The following ATG10 variants were observed in gnomAD, a reference collection of about 807,000 sequenced individuals.
The protein encoded by ATG10 is autophagy related 10, also known as ubiquitin-like-conjugating enzyme ATG10.
A neutral mutation model predicts 32.1 loss-of-function variants in ATG10; 30 were observed. The observed-to-expected ratio is 0.94, with a 90% CI of 0.70 to 1.27. The LOEUF is 1.27. Ranked by LOEUF, ATG10 falls within the 50% of genes most tolerant of loss-of-function variation. The probability of loss-of-function intolerance (pLI) is 0.00; values close to 1 mark genes in which losing one functional copy is unlikely to be tolerated. For missense variants in ATG10, 233 were observed against 262.3 expected, an observed-to-expected ratio of 0.89 and a Z score of 0.77; for synonymous variants, 87 against 91.5, an observed-to-expected ratio of 0.95 and a Z score of 0.28.
chr5:82,089,683 G>T (rs1764814349), intron 3 of ATG10, among the ~76,000 whole-genome samples: 1 of 152,002 alleles, frequency 6.6e-6, no homozygotes, highest in African/African-American at 2.4e-5. Flanking sequence ...TGGGATCTAG[G>T]ATTAGCCAAA....
At chr5:82,070,542 A>G (rs758000815) in intron 3 of ATG10, among the ~76,000 whole-genome samples, 1 of 152,096 alleles carries the variant, frequency 6.6e-6, no homozygotes, top group Non-Finnish European at 1.5e-5. Context: ...CCTTATTTTC[A>G]ACTGTATTTA....
chr5:82,048,368 T>G (rs2149736701), intron 2 of ATG10, among the ~76,000 whole-genome samples: 1 of 149,786 alleles, frequency 6.7e-6, no homozygotes, highest in East Asian at 2.0e-4. Flanking sequence ...TGTTCTTCCA[T>G]TTGTTTGTAT....
At chr5:82,174,469 A>C (rs1452868328) in intron 4 of ATG10, among the ~76,000 whole-genome samples, 1 of 152,196 alleles carries the variant, frequency 6.6e-6, no homozygotes, top group Non-Finnish European at 1.5e-5. Context: ...TTGTGGCTAG[A>C]AGTTGGAAGA....
At chr5:82,110,993 G>C (rs1161988157) in intron 3 of ATG10, among the ~76,000 whole-genome samples, 1 of 151,940 alleles carries the variant, frequency 6.6e-6, no homozygotes, top group East Asian at 1.9e-4. Context: ...GTTAAGAAAA[G>C]AGATTATGAT....
intron 3 of ATG10, among the ~76,000 whole-genome samples, chr5:82,137,088 G>C (rs1239891696): frequency 6.6e-6 from 1 of 151,954 alleles, no homozygotes; most frequent in African/African-American, 2.4e-5. Flanking sequence ...CTCTAAACTC[G>C]TTATTTTAGT....
chr5:82,124,070 A>G (rs1237227872), intron 3 of ATG10, among the ~76,000 whole-genome samples: 4 of 147,328 alleles, frequency 2.7e-5, no homozygotes, highest in Admixed American at 1.4e-4. Flanking sequence ...CTTATATTCC[A>G]TGGATTTTTT....
chr5:82,209,838 C>A (rs759196618), intron 5 of ATG10, among the ~76,000 whole-genome samples: 16 of 152,160 alleles, frequency 1.1e-4, no homozygotes, highest in Non-Finnish European at 2.4e-4. Context: ...GACCCCTTCA[C>A]CATATCTCAT....
At chr5:82,019,677 A>C (rs905370187) in intron 2 of ATG10, among the ~76,000 whole-genome samples, 10 of 152,036 alleles carry the variant, frequency 6.6e-5, no homozygotes, top group African/African-American at 2.4e-4. Flanking sequence ...TCAAATAACC[A>C]CTTGTAATGA....
chr5:82,217,811 A>G (rs75550395), intron 5 of ATG10, among the ~76,000 whole-genome samples: 2 of 114,374 alleles, frequency 1.7e-5, no homozygotes, highest in African/African-American at 4.8e-5. Flanking sequence ...CCTCTCTACC[A>G]AAAAAAAAAA....
At chr5:82,060,196 A>G (rs1763722398) in intron 3 of ATG10, among the ~76,000 whole-genome samples, 1 of 152,172 alleles carries the variant, frequency 6.6e-6, no homozygotes, top group Admixed American at 6.5e-5. Flanking sequence ...TTCATTTCCA[A>G]CATTTTCCAA....
chr5:82,031,038 C>T (rs1401373646), intron 2 of ATG10, among the ~76,000 whole-genome samples: 1 of 151,960 alleles, frequency 6.6e-6, no homozygotes, highest in Non-Finnish European at 1.5e-5. Flanking sequence ...AAACAACATT[C>T]CTTTGTAGGT....
At chr5:82,180,990 T>A (rs1744208688) in intron 5 of ATG10, among the ~76,000 whole-genome samples, 1 of 152,198 alleles carries the variant, frequency 6.6e-6, no homozygotes, top group African/African-American at 2.4e-5. Context: ...TGAACCAATC[T>A]GTATATAGAT....
chr5:82,229,134 G>T (rs1746247904), intron 5 of ATG10, among the ~76,000 whole-genome samples: 1 of 152,214 alleles, frequency 6.6e-6, no homozygotes, highest in Non-Finnish European at 1.5e-5. Context: ...GTCCCTTGAA[G>T]TTTTTGTGAA....
chr5:82,133,572 A>G (rs187315219), intron 3 of ATG10, among the ~76,000 whole-genome samples: 4,045 of 151,982 alleles, frequency 0.027, 82 homozygotes, highest in Middle Eastern at 0.045. Context: ...GTTCTGTTCC[A>G]TTGGTCTATA....
At chr5:82,210,953 G>C (rs1745470487) in intron 5 of ATG10, among the ~76,000 whole-genome samples, 1 of 152,104 alleles carries the variant, frequency 6.6e-6, no homozygotes, top group Non-Finnish European at 1.5e-5. Flanking sequence ...GATGGGGTTG[G>C]TTGAACTAGA....
At chr5:82,214,859 G>A (rs180690356) in intron 5 of ATG10, among the ~76,000 whole-genome samples, 100 of 152,270 alleles carry the variant, frequency 6.6e-4, no homozygotes, top group African/African-American at 2.2e-3. Context: ...AGAGGACAGG[G>A]ATCATGTGTG....
At chr5:82,003,232 C>T (rs984067323) in intron 2 of ATG10, among the ~76,000 whole-genome samples, 11 of 152,030 alleles carry the variant, frequency 7.2e-5, no homozygotes, top group Non-Finnish European at 1.3e-4. Context: ...ATTAAAGTAC[C>T]GTAATATTAA....
chr5:81,984,111 C>T (rs1322335308), intron 1 of ATG10, among the ~76,000 whole-genome samples: 1 of 152,258 alleles, frequency 6.6e-6, no homozygotes, highest in Non-Finnish European at 1.5e-5. Flanking sequence ...GCCGAGATCA[C>T]GCCACTGCAC....
chr5:82,137,729 A>G (rs1018325850), intron 3 of ATG10, among the ~76,000 whole-genome samples: 1 of 152,206 alleles, frequency 6.6e-6, no homozygotes, highest in African/African-American at 2.4e-5. Context: ...GTCTCTTAGC[A>G]GAGCTCGAGT....
Sources: gnomAD v4.1 joint callset for allele counts (sites outside exome capture counted in the v4.1 genomes callset) on GRCh38, gnomAD v4.1.1 for gene constraint, MANE v1.5 for transcripts, NCBI Gene and HGNC (gene_info 2026-07-23, HGNC 2026-07-21) for gene names.